CTTNBP2: variants seen among roughly 807,000 people sequenced by gnomAD.
CTTNBP2 encodes cortactin-binding protein 2.
A neutral mutation model predicts 156.9 loss-of-function variants in CTTNBP2; 108 were observed. The ratio of observed to expected loss-of-function variants is 0.69; its 90% CI spans 0.59 to 0.81. The LOEUF is 0.81. CTTNBP2 is among the 30% of genes least tolerant of loss of function. The probability of loss-of-function intolerance (pLI) is 0.00; values close to 1 mark genes in which losing one functional copy is unlikely to be tolerated. For synonymous variants in CTTNBP2, 767 were observed against 751.8 expected, an observed-to-expected ratio of 1.02 and a Z score of -0.33; for missense variants, 1,924 against 2,035.4, an observed-to-expected ratio of 0.95 and a Z score of 1.05.
At chr7:117,755,877 C>T (rs1006398563) in intron 12 of CTTNBP2, among the ~76,000 whole-genome samples, 16 of 152,192 alleles carry the variant, frequency 1.1e-4, no homozygotes, top group Non-Finnish European at 1.5e-4. Flanking sequence ...GCAGGAATGA[C>T]GTGTGCAATT....
chr7:117,719,059 G>C (rs1051459059), intron 21 of CTTNBP2, among the ~76,000 whole-genome samples: 1 of 152,074 alleles, frequency 6.6e-6, no homozygotes, highest in South Asian at 2.1e-4. Flanking sequence ...TTAGCCAGGC[G>C]TTGTGGGGGA....
rs1563011732 is a variant in CTTNBP2 at position 117,791,926 on chromosome 7, G to A, written c.1270C>T (p.Pro424Ser). ...CATGGTGAATGTAAACTGTGCATAGGTGGAGCTTGCGAGTTCTGAGGAGCT... is the reference window on the plus strand; with the variant it reads ...CATGGTGAATGTAAACTGTGCATAGATGGAGCTTGCGAGTTCTGAGGAGCT... ...GIAPQNSQAP[P>S]MHSLHSPCAN... Residue 424 changes from proline (P) to serine (S), a missense_variant, in exon 4 of 23, where the codon CCT (proline) becomes TCT (serine). Physicochemically the swap from Pro to Ser is moderately conservative, Grantham distance 74 (BLOSUM62 -1). Coordinates refer to ENST00000160373, the MANE Select transcript of CTTNBP2 (RefSeq NM_033427.3). 1 of 1,614,208 alleles carries A rather than the reference G, an allele frequency of 6.2e-7. No individual in the cohort carries two copies.
At chr7:117,715,620 T>C (rs994089841) in intron 22 of CTTNBP2, 2 of 152,212 alleles carry the variant, frequency 1.3e-5, no homozygotes, top group African/African-American at 4.8e-5. Flanking sequence ...TAAATATGTA[T>C]ATTTGTTTTT....
chr7:117,792,140 G>C lies in CTTNBP2; in HGVS notation c.1056C>G (p.Ala352=), dbSNP rs1279762068. 1.5e-5 allele frequency: 25 copies of C among 1,614,138 alleles called. No homozygotes were observed. The highest frequency in any genetic ancestry group is 2.1e-5 in the Non-Finnish European group (25 of 1,180,022). ...KGSVCTSATM[A]RPGIDRQASY... is the part of the protein sequence containing the mutation. Reference sequence around the variant, plus strand: ...AAGCCTGCCTGTCAATACCTGGTCTGGCCATGGTGGCACTGGTGCACACGC... The same window carrying C: ...AAGCCTGCCTGTCAATACCTGGTCTCGCCATGGTGGCACTGGTGCACACGC... Residue 352 remains alanine, a synonymous_variant, in exon 4 of 23, where the codon GCC becomes GCG. Coordinates refer to ENST00000160373, the MANE Select transcript of CTTNBP2 (RefSeq NM_033427.3). This position sits in a 1 kb window ranked among gnomAD's most constrained non-coding sequence, Gnocchi z 4.2.
chr7:117,767,066 C>T lies in CTTNBP2; in HGVS notation c.2889G>A (p.Glu963=). ...VATDDCKHLL[E]NLNALKIPLR... ...GCTCTGAACATCACTCACTCAGATT[C>T]TCCAGCAAATGCTTGCAGTCATCAG... is the stretch of plus-strand genomic sequence containing the variant. Residue 963 remains glutamate (E), a synonymous_variant, in exon 9 of 23, where the codon GAG becomes GAA. Transcript: ENST00000160373. The T allele has an allele frequency of 6.4e-7, 1 of 1,555,058 alleles. No homozygotes were observed. Among genetic ancestry groups the T allele is most frequent in the Non-Finnish European group, 8.9e-7 (1 of 1,126,226 alleles).
At chr7:117,859,356 C>T (rs1803552056) in intron 2 of CTTNBP2, among the ~76,000 whole-genome samples, 3 of 152,104 alleles carry the variant, frequency 2.0e-5, no homozygotes, top group Non-Finnish European at 4.4e-5. Flanking sequence ...CAAAGTATTG[C>T]AATTAAATTA....
intron 2 of CTTNBP2, among the ~76,000 whole-genome samples, chr7:117,838,544 A>G (rs2117118696): frequency 6.6e-6 from 1 of 152,332 alleles, no homozygotes; most frequent in African/African-American, 2.4e-5. Context: ...GTAACTCTGC[A>G]TTAATCACAG....
intron 17 of CTTNBP2, among the ~76,000 whole-genome samples, chr7:117,726,168 A>T (rs893252954): frequency 6.6e-6 from 1 of 152,260 alleles, no homozygotes; most frequent in Non-Finnish European, 1.5e-5. Context: ...AATGCCAATT[A>T]AAATTCCATC....
chr7:117,795,214 T>A (rs1224200678), intron 3 of CTTNBP2, among the ~76,000 whole-genome samples: 1 of 152,156 alleles, frequency 6.6e-6, no homozygotes, highest in Non-Finnish European at 1.5e-5. Context: ...TATATGTATA[T>A]CTTATTCACG....
At chr7:117,864,162 G>A (rs1803955177) in intron 1 of CTTNBP2, among the ~76,000 whole-genome samples, 1 of 152,104 alleles carries the variant, frequency 6.6e-6, no homozygotes, top group Admixed American at 6.5e-5. Flanking sequence ...TAAAACTTCT[G>A]TTTTTCTATG....
chr7:117,784,664 C>T lies in CTTNBP2; in HGVS notation c.2069-210G>A, dbSNP rs149404148. Among the ~76,000 whole-genome samples the T allele has an allele frequency of 1.4e-3, 212 of 152,288 alleles. 1 individual carries two copies. The highest frequency in any genetic ancestry group is 4.9e-3 in the African/African-American group (205 of 41,564). Reference sequence around the variant, plus strand: ...TTACATCTGCTGCTAATTAAATCAACATACATGGTAAAAAATTATTTTTAG... The same window carrying T: ...TTACATCTGCTGCTAATTAAATCAATATACATGGTAAAAAATTATTTTTAG... On this transcript the variant is annotated intron_variant, in intron 4 of 22. Transcript: ENST00000160373.
At chr7:117,788,290 A>G (rs988273160) in intron 4 of CTTNBP2, among the ~76,000 whole-genome samples, 1 of 152,212 alleles carries the variant, frequency 6.6e-6, no homozygotes, top group Admixed American at 6.5e-5. Flanking sequence ...TTGTTTTTAA[A>G]TGAAAAAGCT....
intron 7 of CTTNBP2, among the ~76,000 whole-genome samples, chr7:117,779,948 C>T (rs557095122): frequency 3.6e-4 from 55 of 151,988 alleles, no homozygotes; most frequent in Non-Finnish European, 1.6e-4. Flanking sequence ...TCAGTAGAGA[C>T]GGGGTTTCTC....
rs749073682 is a variant in CTTNBP2, at chr7:117,735,103, G to A, written c.3689-3C>T. The A allele has an allele frequency of 2.7e-5, 44 of 1,607,298 alleles. No homozygotes were observed. The highest frequency in any genetic ancestry group is 3.6e-5 in the Non-Finnish European group (42 of 1,176,528). On this transcript the variant is annotated splice_region_variant and splice_polypyrimidine_tract_variant and intron_variant, in intron 15 of 22. Coordinates refer to ENST00000160373, the MANE Select transcript of CTTNBP2 (RefSeq NM_033427.3). ...ATAACATTCGGACAGTCCATTTCCT[G>A]AAACAAACCAAAAAGCAATGGCCCA... is the stretch of plus-strand genomic sequence containing the variant.
At chr7:117,743,141 A>C (rs79999963) in intron 14 of CTTNBP2, among the ~76,000 whole-genome samples, 2,901 of 152,312 alleles carry the variant, frequency 0.019, 61 homozygotes, top group Non-Finnish European at 0.023. Flanking sequence ...AGATCTAGAA[A>C]TGCTGAGTTG....
intron 12 of CTTNBP2, 28 bp from the exon 13 acceptor site, chr7:117,746,127 G>C (rs1390425645): frequency 7.3e-6 from 11 of 1,516,048 alleles, no homozygotes; most frequent in African/African-American, 2.7e-5. Context: ...AGAGAGCTAG[G>C]GTGAAGATGC....
chr7:117,830,060 T>C (rs1490439203), intron 2 of CTTNBP2, among the ~76,000 whole-genome samples: 1 of 152,034 alleles, frequency 6.6e-6, no homozygotes, highest in Non-Finnish European at 1.5e-5. Flanking sequence ...AACAGAAGAG[T>C]CCACCAAAAT....
chr7:117,852,926 T>C (rs1038012127), intron 2 of CTTNBP2, among the ~76,000 whole-genome samples: 5 of 152,066 alleles, frequency 3.3e-5, no homozygotes, highest in African/African-American at 1.2e-4. Context: ...AGGGCTAAGG[T>C]TAGGAGTCAG....
chr7:117,814,277 T>C (rs4730804), intron 2 of CTTNBP2, among the ~76,000 whole-genome samples: 9 of 151,836 alleles, frequency 5.9e-5, no homozygotes, highest in African/African-American at 2.2e-4. Context: ...TGTGAAATAG[T>C]TTTTTACATG....
Sources: gnomAD v4.1 joint callset for allele counts (sites outside exome capture counted in the v4.1 genomes callset) on GRCh38, gnomAD v4.1.1 for gene constraint, Gnocchi (gnomAD v3.1) non-coding constraint, MANE v1.5 for transcripts, NCBI Gene and HGNC (gene_info 2026-07-23, HGNC 2026-07-21) for gene names.